ROBO2: variants seen among roughly 807,000 people sequenced by gnomAD.
ROBO2 encodes the protein roundabout homolog 2.
ROBO2 carries 53 observed loss-of-function variants against 160.8 expected under a neutral mutation model. The observed-to-expected ratio is 0.33, with a 90% confidence interval of 0.26 to 0.41. ROBO2 has a LOEUF of 0.41. Among genes scored for constraint, ROBO2 ranks in the 10% least tolerant of loss-of-function variants. The pLI is 1.00. For missense variants in ROBO2, 1,577 were observed against 1,722.4 expected, an observed-to-expected ratio of 0.92 and a Z score of 1.49; for synonymous variants, 664 against 611.7, an observed-to-expected ratio of 1.09 and a Z score of -1.26.
chr3:76,607,323 C>T (rs2087743750), intron 2 of ROBO2, among the ~76,000 whole-genome samples: 1 of 152,184 alleles, frequency 6.6e-6, no homozygotes, highest in Non-Finnish European at 1.5e-5. Context: ...ACCACCATGC[C>T]AAGCTTCCAT....
At chr3:75,913,026 A>G (rs1946664840) in intron 1 of ROBO2, among the ~76,000 whole-genome samples, 1 of 152,202 alleles carries the variant, frequency 6.6e-6, no homozygotes. Context: ...AAATCACTTT[A>G]ATTAGGCTAA....
chr3:76,352,072 T>C (rs557789111), intron 2 of ROBO2, among the ~76,000 whole-genome samples: 1 of 152,140 alleles, frequency 6.6e-6, no homozygotes, highest in East Asian at 1.9e-4. Flanking sequence ...TCAATGGTAA[T>C]GGTTATACAG....
chr3:77,080,377 A>G (rs966707309), intron 1 of ROBO2, among the ~76,000 whole-genome samples: 4 of 152,208 alleles, frequency 2.6e-5, no homozygotes, highest in African/African-American at 9.7e-5. Flanking sequence ...AGATTGGAAT[A>G]CAAATTGGAT....
At chr3:77,130,012 AT>A (rs201554022) in intron 2 of ROBO2, among the ~76,000 whole-genome samples, 7 of 151,572 alleles carry the variant, frequency 4.6e-5, no homozygotes, top group East Asian at 1.9e-4. Context: ...CAAAACAACA[AT>A]TTTTTTTTAT....
At chr3:76,772,414 G>A (rs1359044820) in intron 2 of ROBO2, among the ~76,000 whole-genome samples, 1 of 147,906 alleles carries the variant, frequency 6.8e-6, no homozygotes, top group East Asian at 2.0e-4. Flanking sequence ...GTATTTATAT[G>A]CACACACACA....
chr3:77,343,057 GGAGAGAGA>G (rs766199289), intron 2 of ROBO2, among the ~76,000 whole-genome samples: 4 of 63,666 alleles, frequency 6.3e-5, no homozygotes, highest in South Asian at 4.9e-4. Context: ...ATAGGTAGAT[GGAGAGAGA>G]GAGAGAGAGA....
chr3:76,453,498 A>G (rs1052379756), intron 2 of ROBO2, among the ~76,000 whole-genome samples: 36 of 152,060 alleles, frequency 2.4e-4, no homozygotes, highest in African/African-American at 8.7e-4. Context: ...GATATGCGGC[A>G]TTATTTCTGA....
chr3:77,339,167 T>TA (rs890742508), intron 2 of ROBO2, among the ~76,000 whole-genome samples: 8 of 152,050 alleles, frequency 5.3e-5, no homozygotes, highest in African/African-American at 1.7e-4. Context: ...TGCCAAATGA[T>TA]AAAAAAATTA....
At chr3:76,828,499 C>T (rs2066778708) in intron 2 of ROBO2, among the ~76,000 whole-genome samples, 1 of 152,092 alleles carries the variant, frequency 6.6e-6, no homozygotes. Flanking sequence ...AGAGTGAATG[C>T]TCTGTAAAAT....
Position 77,523,453 on chromosome 3 carries a change from A to ATGAACT in ROBO2, c.934+552_934+553insGAACTT, listed in dbSNP as rs1187681659. Among the ~76,000 whole-genome samples, 3 of 151,412 alleles carry ATGAACT rather than the reference A, an allele frequency of 2.0e-5. No homozygotes were observed. The South Asian group carries it at 6.2e-4, about 31-fold the overall frequency. On this transcript the variant is annotated intron_variant, in intron 6 of 25. Coordinates refer to ENST00000461745, the Ensembl canonical transcript of ROBO2. ...GATTTGTGAAGTTCATTGGCCTTAA[A>ATGAACT]TAATTGAAATAGTCAGTGCTGCTCT...
intron 2 of ROBO2, among the ~76,000 whole-genome samples, chr3:76,516,542 G>T (rs1254638387): frequency 6.6e-6 from 1 of 152,264 alleles, no homozygotes; most frequent in East Asian, 1.9e-4. Flanking sequence ...TCATTGGACT[G>T]TGAACTTGGC....
Position 77,546,444 on chromosome 3 carries a change from G to A in ROBO2, c.1041G>A (p.Trp347Ter). Reference sequence around the variant, plus strand: ...GAAACCCACAGCCAGCTGTTTTTTGGCAGAAAGAAGGCAGCCAGGTGAGTG... The same window carrying A: ...GAAACCCACAGCCAGCTGTTTTTTGACAGAAAGAAGGCAGCCAGGTGAGTG... The change falls in exon 7 of 26, where the codon TGG becomes TGA. Residue 347 changes from tryptophan to a stop codon, truncating the protein, a stop_gained. Transcript: ENST00000461745. LOFTEE classifies it high-confidence loss of function. 6.2e-7 allele frequency: 1 copy of A among 1,613,190 alleles called. No individual in the cohort carries two copies. The highest frequency in any genetic ancestry group is 8.5e-7 in the Non-Finnish European group (1 of 1,179,338).
rs184971455 is a variant in ROBO2 at position 76,593,805 on chromosome 3, A to C, written c.110-504209A>C. ...TAGCAGCTTCATGTTTATTTATTAT[A>C]TTTTTGGAGATGTTTTACTAGATGC... On this transcript the variant is annotated intron_variant, in intron 2 of 26. Coordinates refer to the ROBO2 transcript ENST00000487694. 3.9e-5 allele frequency among the ~76,000 whole-genome samples: 6 copies of C among 152,006 alleles called. No homozygotes were observed. The East Asian group carries it at 1.2e-3, about 29-fold the overall frequency.
chr3:77,369,980 A>G (rs2071492587), intron 2 of ROBO2, among the ~76,000 whole-genome samples: 1 of 152,188 alleles, frequency 6.6e-6, no homozygotes, highest in African/African-American at 2.4e-5. Flanking sequence ...AGAGCCTCCT[A>G]AAACACTGTG....
chr3:76,081,827 T>C (rs997662045), intron 2 of ROBO2, among the ~76,000 whole-genome samples: 3 of 143,740 alleles, frequency 2.1e-5, no homozygotes, highest in East Asian at 4.0e-4. Flanking sequence ...AAATGGCACA[T>C]GTAAATACAT....
chr3:77,410,547 T>G (rs2076635889), intron 2 of ROBO2, among the ~76,000 whole-genome samples: 1 of 126,040 alleles, frequency 7.9e-6, no homozygotes. Flanking sequence ...CTCTTCTTCC[T>G]CCTCTTCTTC....
chr3:77,387,197 G>A (rs958061584), intron 2 of ROBO2, among the ~76,000 whole-genome samples: 7 of 151,692 alleles, frequency 4.6e-5, no homozygotes, highest in African/African-American at 1.2e-4. Context: ...TGGTGGGTGT[G>A]TGATTTAGAA....
intron 2 of ROBO2, among the ~76,000 whole-genome samples, chr3:76,268,291 A>G (rs1707219615): frequency 1.3e-5 from 2 of 151,960 alleles, no homozygotes; most frequent in South Asian, 4.2e-4. Context: ...GGAGGGGAGG[A>G]GAGGAGAGGG....
At chr3:76,312,126 C>A (rs1340234542) in intron 2 of ROBO2, among the ~76,000 whole-genome samples, 1 of 152,084 alleles carries the variant, frequency 6.6e-6, no homozygotes, top group Non-Finnish European at 1.5e-5. Flanking sequence ...ATGCTGTAAG[C>A]CAAAATGATG....
Sources: gnomAD v4.1 joint callset for allele counts (sites outside exome capture counted in the v4.1 genomes callset) on GRCh38, gnomAD v4.1.1 for gene constraint, MANE v1.5 for transcripts, NCBI Gene and HGNC (gene_info 2026-07-23, HGNC 2026-07-21) for gene names.